The following PLXDC2 variants were observed in gnomAD, a reference collection of about 807,000 sequenced individuals.
PLXDC2 encodes the protein plexin domain-containing protein 2.
In PLXDC2, 40 loss-of-function variants were observed where a neutral mutation model predicts 68.9. The observed-to-expected ratio is 0.58, with a 90% CI of 0.45 to 0.76. The LOEUF (loss-of-function observed/expected upper bound fraction) is 0.76. PLXDC2 is among the 30% of genes least tolerant of loss of function. The pLI, the probability that PLXDC2 is intolerant of heterozygous loss-of-function variation, is 0.00. For missense variants in PLXDC2, 644 were observed against 661.9 expected, an observed-to-expected ratio of 0.97 and a Z score of 0.30; for synonymous variants, 243 against 234.2, an observed-to-expected ratio of 1.04 and a Z score of -0.34.
chr10:20,190,658 G>C (rs1216509053), intron 9 of PLXDC2, among the ~76,000 whole-genome samples: 1 of 151,248 alleles, frequency 6.6e-6, no homozygotes, highest in Admixed American at 6.6e-5. Context: ...TACATTAACA[G>C]TTTTCTATTG....
chr10:20,197,505 G>A (rs1178431960), intron 9 of PLXDC2, among the ~76,000 whole-genome samples: 5 of 151,492 alleles, frequency 3.3e-5, no homozygotes, highest in African/African-American at 9.7e-5. Flanking sequence ...CTACAGGCAT[G>A]TGCTACCATG....
At chr10:19,896,224 T>A (rs1359092082) in intron 1 of PLXDC2, among the ~76,000 whole-genome samples, 1 of 152,232 alleles carries the variant, frequency 6.6e-6, no homozygotes, top group Non-Finnish European at 1.5e-5. Flanking sequence ...AACACAGCCT[T>A]GGCTTTGTAC....
chr10:20,079,829 T>A lies in PLXDC2; in HGVS notation c.541+11590T>A, dbSNP rs1836519398. Among the ~76,000 whole-genome samples, 4 of 152,166 alleles carry A rather than the reference T, an allele frequency of 2.6e-5. No individual in the cohort carries two copies. In the South Asian group the frequency reaches 8.3e-4, roughly 32 times the overall value. On this transcript the variant is annotated intron_variant, in intron 4 of 13. Coordinates refer to ENST00000377252, the MANE Select transcript of PLXDC2 (RefSeq NM_032812.9). ...GGAGAACATTAGGACAAATACCTAA[T>A]GCATACAGGGCTTAAAACCTAGATG...
chr10:20,063,310 G>A (rs892517803), intron 3 of PLXDC2, among the ~76,000 whole-genome samples: 1 of 152,090 alleles, frequency 6.6e-6, no homozygotes, highest in East Asian at 1.9e-4. Flanking sequence ...TTATAAAGCT[G>A]AAATAAAAAG....
intron 1 of PLXDC2, among the ~76,000 whole-genome samples, chr10:19,853,946 A>G (rs1422585221): frequency 6.6e-6 from 1 of 152,206 alleles, no homozygotes; most frequent in Non-Finnish European, 1.5e-5. Context: ...CAGGCTCTGC[A>G]GAAACCAGCA....
chr10:20,184,700 A>G (rs568044539), intron 9 of PLXDC2, among the ~76,000 whole-genome samples: 5 of 152,022 alleles, frequency 3.3e-5, no homozygotes, highest in African/African-American at 1.2e-4. Flanking sequence ...ACCTTTCCCA[A>G]ATCACTAATC....
intron 1 of PLXDC2, among the ~76,000 whole-genome samples, chr10:19,932,064 T>C (rs1041147715): frequency 1.3e-5 from 2 of 152,236 alleles, no homozygotes; most frequent in African/African-American, 4.8e-5. Context: ...ATACTGTGTA[T>C]CACATGCTGT....
chr10:19,897,366 A>T (rs1467803787), intron 1 of PLXDC2, among the ~76,000 whole-genome samples: 4 of 151,434 alleles, frequency 2.6e-5, no homozygotes, highest in African/African-American at 9.7e-5. Context: ...CAGCCTCCCC[A>T]GTAGCTGGGA....
At chr10:20,068,427 A>C (rs1384227362) in intron 4 of PLXDC2, among the ~76,000 whole-genome samples, 188 bp downstream of exon 4, 4 of 151,992 alleles carry the variant, frequency 2.6e-5, no homozygotes, top group Non-Finnish European at 5.9e-5. Context: ...GCAGACAAAA[A>C]AAGTATTTAT....
chr10:19,911,429 C>A (rs929385518), intron 1 of PLXDC2, among the ~76,000 whole-genome samples: 1 of 152,130 alleles, frequency 6.6e-6, no homozygotes, highest in Admixed American at 6.6e-5. Flanking sequence ...TTGTCTCATT[C>A]AAGTTCTCTA....
chr10:20,114,566 G>A lies in PLXDC2; in HGVS notation c.542-28729G>A, dbSNP rs138604742. 3.6e-3 allele frequency among the ~76,000 whole-genome samples: 548 copies of A among 152,316 alleles called. 2 individuals are homozygous for A. Among genetic ancestry groups the A allele is most frequent in the African/African-American group, 0.012 (519 of 41,570 alleles). On this transcript the variant is annotated intron_variant, in intron 4 of 13. Transcript: ENST00000377252. ...CAGTGTGAGAAGACCTGTAACAGAC[G>A]TCTGAATGAGCACAGGTGTGGACCA...
At chr10:20,040,285 C>T (rs930620484) in intron 2 of PLXDC2, among the ~76,000 whole-genome samples, 2 of 152,112 alleles carry the variant, frequency 1.3e-5, no homozygotes, top group East Asian at 1.9e-4. Context: ...TAGACTGCCA[C>T]GTCTGGACAG....
At chr10:19,934,177 T>C (rs1166277742) in intron 1 of PLXDC2, among the ~76,000 whole-genome samples, 1 of 152,242 alleles carries the variant, frequency 6.6e-6, no homozygotes, top group Non-Finnish European at 1.5e-5. Context: ...TTGATTTACT[T>C]GCATTACACA....
At chr10:19,968,288 C>G (rs895926078) in intron 1 of PLXDC2, among the ~76,000 whole-genome samples, 1 of 152,086 alleles carries the variant, frequency 6.6e-6, no homozygotes, top group African/African-American at 2.4e-5. Flanking sequence ...TGATTAAATA[C>G]GATGACCTCA....
chr10:19,866,981 G>A (rs969833527), intron 1 of PLXDC2, among the ~76,000 whole-genome samples: 7 of 151,882 alleles, frequency 4.6e-5, no homozygotes, highest in African/African-American at 1.7e-4. Flanking sequence ...TTTGGCCTGT[G>A]GGTTTTCCTC....
chr10:20,103,923 G>A (rs190590387), intron 4 of PLXDC2, among the ~76,000 whole-genome samples: 16 of 152,316 alleles, frequency 1.1e-4, no homozygotes, highest in Non-Finnish European at 2.1e-4. Context: ...GATTGCAAGC[G>A]TGAGCCACCG....
chr10:19,878,766 T>C (rs1187049357), intron 1 of PLXDC2, among the ~76,000 whole-genome samples: 1 of 152,234 alleles, frequency 6.6e-6, no homozygotes, highest in East Asian at 1.9e-4. Context: ...TTTTTTCCAC[T>C]AACACTTTTC....
chr10:19,897,031 C>T (rs1838068962), intron 1 of PLXDC2, among the ~76,000 whole-genome samples: 2 of 150,280 alleles, frequency 1.3e-5, no homozygotes, highest in African/African-American at 4.8e-5. Flanking sequence ...TTCTTTACTG[C>T]AGTCCCCTGT....
chr10:19,854,722 T>C (rs939137745), intron 1 of PLXDC2, among the ~76,000 whole-genome samples: 1 of 152,234 alleles, frequency 6.6e-6, no homozygotes, highest in African/African-American at 2.4e-5. Flanking sequence ...CCAGTGTCTT[T>C]GGGTAATTGG....
Sources: gnomAD v4.1 joint callset for allele counts (sites outside exome capture counted in the v4.1 genomes callset) on GRCh38, gnomAD v4.1.1 for gene constraint, MANE v1.5 for transcripts, NCBI Gene and HGNC (gene_info 2026-07-23, HGNC 2026-07-21) for gene names.